Variants in NTF3 observed in about 807,000 individuals in gnomAD.
The protein encoded by NTF3 is neurotrophin-3.
A neutral mutation model predicts 26.3 loss-of-function variants in NTF3; 8 were observed. The ratio of observed to expected loss-of-function variants is 0.30; its 90% CI spans 0.18 to 0.55. The LOEUF (loss-of-function observed/expected upper bound fraction) is 0.55, where lower values mean the gene tolerates loss of function less well. Ranked by LOEUF, NTF3 falls within the 20% of genes least tolerant of loss-of-function variation. The probability of loss-of-function intolerance (pLI) is 0.93; values close to 1 mark genes in which losing one functional copy is unlikely to be tolerated. For missense variants in NTF3, 276 were observed against 352.9 expected (o/e 0.78, Z 1.75); for synonymous variants, 154 against 145.5 (o/e 1.06, Z -0.42).
At position 5,454,865 on chromosome 12, in the gene NTF3, G is replaced by A. The variant is rs145774831; in HGVS notation, c.18+22523G>A. On this transcript the variant is annotated intron_variant, in intron 1 of 1. Coordinates refer to ENST00000423158, the MANE Select transcript of NTF3 (RefSeq NM_001102654.2). The stretch of plus-strand genomic sequence containing the variant: ...GACAGGAAAGTATAGCGAGCAGAGC[G>A]GCAAATTGGTGGGGAGGTGCAGAAG... 7.9e-3 allele frequency among the ~76,000 whole-genome samples: 1,201 copies of A among 152,284 alleles called. 5 individuals carry two copies. The highest frequency in any genetic ancestry group is 0.041 in the Middle Eastern group (12 of 294).
At chr12:5,461,073 G>A (rs1159296766) in intron 1 of NTF3, among the ~76,000 whole-genome samples, 1 of 152,142 alleles carries the variant, frequency 6.6e-6, no homozygotes, top group African/African-American at 2.4e-5. Flanking sequence ...GGGATTGGGG[G>A]GGAAGGTTCA....
chr12:5,467,228 CAAAAAAAAAAAAAAAAAAAAAAA>C (rs60794349), intron 1 of NTF3, among the ~76,000 whole-genome samples: 2 of 49,550 alleles, frequency 4.0e-5, no homozygotes, highest in Non-Finnish European at 6.5e-5. Context: ...GACTCCGTCT[CAAAAAAAAAAAAAAAAAAAAAAA>C]AAAAAAAAAA....
chr12:5,455,520 G>A (rs1043061846), intron 1 of NTF3, among the ~76,000 whole-genome samples: 2 of 130,798 alleles, frequency 1.5e-5, no homozygotes, highest in African/African-American at 6.1e-5. Flanking sequence ...TCTGGCCTCT[G>A]TAACCCCTCC....
chr12:5,488,150 GC>G (rs1940890378), intron 1 of NTF3, among the ~76,000 whole-genome samples: 1 of 152,182 alleles, frequency 6.6e-6, no homozygotes, highest in Non-Finnish European at 1.5e-5. Context: ...TTGTAGCAAT[GC>G]CAAGTCACCC....
At chr12:5,481,968 C>T (rs1447420906) in intron 1 of NTF3, among the ~76,000 whole-genome samples, 1 of 151,916 alleles carries the variant, frequency 6.6e-6, no homozygotes, top group Non-Finnish European at 1.5e-5. Context: ...CACACACACA[C>T]AGAGAAACAG....
chr12:5,466,621 C>A (rs1940593617), intron 1 of NTF3, among the ~76,000 whole-genome samples: 1 of 152,232 alleles, frequency 6.6e-6, no homozygotes, highest in African/African-American at 2.4e-5. Flanking sequence ...AACTCGAAAT[C>A]TGCTCAAATG....
chr12:5,440,942 T>C (rs1037056680), intron 1 of NTF3, among the ~76,000 whole-genome samples: 4 of 152,226 alleles, frequency 2.6e-5, no homozygotes, highest in East Asian at 1.9e-4. Flanking sequence ...AGATAAGTCA[T>C]TGAACATACG....
intron 1 of NTF3, among the ~76,000 whole-genome samples, chr12:5,445,420 T>G (rs1940293413): frequency 6.6e-6 from 1 of 152,072 alleles, no homozygotes; most frequent in Non-Finnish European, 1.5e-5. Flanking sequence ...ATAATTTCTT[T>G]CAAGGCCACA....
rs557727976 is a variant in NTF3 at position 5,465,888 on chromosome 12, A to G, written c.19-28306A>G. Among the ~76,000 whole-genome samples the G allele has an allele frequency of 1.4e-4, 21 of 152,368 alleles. 1 individual carries two copies. The South Asian group carries it at 3.7e-3, about 27-fold the overall frequency. ...TGCCTGTCTAATGGAACCATGTACC[A>G]GGAGTAGCTACCCAAGAAACATTTC... On this transcript the variant is annotated intron_variant, in intron 1 of 1. Coordinates refer to ENST00000423158, the MANE Select transcript of NTF3 (RefSeq NM_001102654.2).
rs902716668 is a variant in NTF3, at chr12:5,494,002, C to G, written c.19-192C>G. ...AGAGTCGGCAGACCTGGAGTGCATT[C>G]GCAGTATCTCCCGGGGGTGGGGGAA... On this transcript the variant is annotated intron_variant, in intron 1 of 1. Transcript: ENST00000423158. This position sits in a 1 kb window ranked among gnomAD's most constrained non-coding sequence, Gnocchi z 8.3. The G allele has an allele frequency of 1.8e-5, 11 of 602,196 alleles. No individual in the cohort carries two copies. In the East Asian group the frequency reaches 3.0e-4, roughly 17 times the overall value. The allele number at this position is 602,196 out of a possible 1,614,324, so 37.3% of individuals were successfully genotyped here.
intron 1 of NTF3, among the ~76,000 whole-genome samples, chr12:5,432,556 T>TACACAC (rs57075143): frequency 5.0e-4 from 62 of 124,072 alleles, no homozygotes; most frequent in South Asian, 9.3e-4. Context: ...GCCACCCCGC[T>TACACAC]ACACACACAC....
At chr12:5,443,503 C>T (rs10774328) in intron 1 of NTF3, among the ~76,000 whole-genome samples, 79,241 of 151,970 alleles carry the variant, frequency 0.52, 22,051 homozygotes, top group East Asian at 0.86. Flanking sequence ...CTCTGCATGC[C>T]ACTCCTCTCC....
At position 5,494,806 on chromosome 12, in the gene NTF3, G is replaced by A. The variant is rs773366518; in HGVS notation, c.631G>A (p.Ala211Thr). The change falls in exon 2 of 2, where the codon GCC becomes ACC. Residue 211 changes from alanine to threonine, a missense_variant. By Grantham distance (58) the Ala-to-Thr change is moderately conservative. Around this residue, in one of 3 missense-constraint regions of NTF3, gnomAD observed 52 missense variants for 78.4 expected, o/e 0.66. Transcript: ENST00000423158. This position sits in a 1 kb window ranked among gnomAD's most constrained non-coding sequence, Gnocchi z 8.3. ...TTTTTATGAAACGCGATGTAAGGAA[G>A]CCAGGCCGGTCAAAAACGGTTGCAG... ...QYFYETRCKE[A>T]RPVKNGCRGI... The A allele has an allele frequency of 9.3e-6, 15 of 1,614,138 alleles. No individual in the cohort carries two copies. In the South Asian group the frequency reaches 1.5e-4, roughly 17 times the overall value.
intron 1 of NTF3, among the ~76,000 whole-genome samples, chr12:5,442,910 C>T (rs7132127): frequency 2.0e-5 from 3 of 151,888 alleles, no homozygotes; most frequent in South Asian, 2.1e-4. Flanking sequence ...AGTCTACTTG[C>T]GAATACAGTG....
At chr12:5,459,937 G>T (rs1310790924) in intron 1 of NTF3, among the ~76,000 whole-genome samples, 2 of 152,132 alleles carry the variant, frequency 1.3e-5, no homozygotes, top group African/African-American at 4.8e-5. Context: ...TTGTCCTCTG[G>T]CCTTTTCCCT....
intron 1 of NTF3, among the ~76,000 whole-genome samples, chr12:5,434,385 T>C (rs866846678): frequency 6.6e-5 from 10 of 151,668 alleles, no homozygotes; most frequent in South Asian, 2.1e-4. Flanking sequence ...GAGGGTTTGG[T>C]TGTGTGTGAA....
rs982114081 is a variant in NTF3 at position 5,433,347 on chromosome 12, G to T, written c.18+1005G>T. The stretch of plus-strand genomic sequence containing the variant: ...CAGCCAGCCAGGTCGGAGTTTAAAG[G>T]TCCCACGACGGACCGAACTGTCCCA... On this transcript the variant is annotated intron_variant, in intron 1 of 1. Coordinates refer to ENST00000423158, the MANE Select transcript of NTF3 (RefSeq NM_001102654.2). The surrounding 1 kb of genome is among the most constrained non-coding windows in gnomAD (Gnocchi z 4.6). The T allele has an allele frequency of 2.0e-5, 3 of 152,494 alleles. No homozygotes were observed. The highest frequency in any genetic ancestry group is 7.2e-5 in the African/African-American group (3 of 41,480). 9.4% of individuals were successfully genotyped at this position (152,494 alleles called of 1,614,324 possible).
chr12:5,459,916 A>G (rs1373061710), intron 1 of NTF3, among the ~76,000 whole-genome samples: 1 of 152,132 alleles, frequency 6.6e-6, no homozygotes, highest in African/African-American at 2.4e-5. Flanking sequence ...AAATTTTCCT[A>G]AAGGGCCAGA....
At chr12:5,434,769 G>T (rs931194486) in intron 1 of NTF3, among the ~76,000 whole-genome samples, 1 of 152,064 alleles carries the variant, frequency 6.6e-6, no homozygotes, top group Non-Finnish European at 1.5e-5. Flanking sequence ...GGCTGTGTGT[G>T]TGAGGGAAAG....
Sources: allele counts gnomAD v4.1 joint callset (sites outside exome capture counted in the v4.1 genomes callset), GRCh38; gene constraint gnomAD v4.1.1; regional missense constraint gnomAD v4.1.1; non-coding constraint Gnocchi (gnomAD v3.1); transcripts MANE v1.5; gene names NCBI Gene and HGNC (gene_info 2026-07-23, HGNC 2026-07-21).